The following UROC1 variants were observed in gnomAD, a reference collection of about 807,000 sequenced individuals.
UROC1 encodes urocanate hydratase.
Under a neutral mutation model 89.5 loss-of-function variants are expected in UROC1, and 79 were observed. The observed-to-expected ratio is 0.88, with a 90% CI of 0.74 to 1.06. The LOEUF (loss-of-function observed/expected upper bound fraction) is 1.06, where lower values mean the gene tolerates loss of function less well. UROC1 is among the 50% of genes least tolerant of loss of function. The pLI is 0.00. For synonymous variants in UROC1, 361 were observed against 354.8 expected, an observed-to-expected ratio of 1.02 and a Z score of -0.20; for missense variants, 885 against 907.8, an observed-to-expected ratio of 0.97 and a Z score of 0.32.
chr3:126,500,719 A>G lies in UROC1; in HGVS notation c.1121T>C (p.Val374Ala). The G allele has an allele frequency of 1.9e-6, 3 of 1,614,072 alleles. No individual in the cohort carries two copies. The highest frequency in any genetic ancestry group is 2.5e-6 in the Non-Finnish European group (3 of 1,180,016). ...CCTTTCCTGGACCAGGTCCTTGAACACAGCAGGGTTGGAGGCCATGAGGCT... is the reference window on the plus strand; with the variant it reads ...CCTTTCCTGGACCAGGTCCTTGAACGCAGCAGGGTTGGAGGCCATGAGGCT... ...AQSLMASNPA[V>A]FKDLVQESLR... The change falls in exon 11 of 20, where the codon GTG becomes GCG. Residue 374 changes from valine (V) to alanine (A), a missense_variant. Val to Ala is a moderately conservative substitution (Grantham distance 64). Transcript: ENST00000290868.
In UROC1 at chr3:126,482,293, G is replaced by A; in HGVS notation, c.*52C>T. 1.2e-6 allele frequency: 2 copies of A among 1,607,170 alleles called. No individual in the cohort carries two copies. Among genetic ancestry groups the A allele is most frequent in the Non-Finnish European group, 1.7e-6 (2 of 1,176,570 alleles). Reference sequence around the variant, plus strand: ...GAAGGGTGTGTGCCATGGCTGGGCAGGTGAGGATCGCCAGGGAGGAAGGGA... The same window carrying A: ...GAAGGGTGTGTGCCATGGCTGGGCAAGTGAGGATCGCCAGGGAGGAAGGGA... On this transcript the variant is annotated 3_prime_UTR_variant, in exon 20 of 20. Coordinates refer to ENST00000290868, the MANE Select transcript of UROC1 (RefSeq NM_144639.3).
chr3:126,509,245 A>C (rs1388040543), intron 3 of UROC1, among the ~76,000 whole-genome samples: 1 of 151,764 alleles, frequency 6.6e-6, no homozygotes, highest in Non-Finnish European at 1.5e-5. Context: ...CTCTAAAAAA[A>C]AAAAAAAAAG....
rs11919051 is a variant in UROC1 at position 126,502,288 on chromosome 3, T to C, written c.903-1008A>G. On this transcript the variant is annotated intron_variant, in intron 9 of 19. Transcript: ENST00000290868. ...GCGCCTGTGTGTTTATGTGTTTGTGTGTGCTGTGTGTCTCTGTGCATGTTT... is the reference window on the plus strand; with the variant it reads ...GCGCCTGTGTGTTTATGTGTTTGTGCGTGCTGTGTGTCTCTGTGCATGTTT... Among the ~76,000 whole-genome samples, 613 of 111,512 alleles carry C rather than the reference T, an allele frequency of 5.5e-3. 8 individuals are homozygous for C. The highest frequency in any genetic ancestry group is 0.017 in the African/African-American group (556 of 31,854). The allele number at this position is 111,512 out of a possible 152,430, so 73.2% of individuals were successfully genotyped here.
chr3:126,517,174 T>C (rs1576737176), intron 1 of UROC1, among the ~76,000 whole-genome samples: 1 of 152,176 alleles, frequency 6.6e-6, no homozygotes, highest in African/African-American at 2.4e-5. Flanking sequence ...GGTTCAGCCA[T>C]GCAGCCGCAC....
At chr3:126,492,325 G>C (rs1325112625) in intron 16 of UROC1, 93 bp downstream of exon 16, 1 of 1,227,078 alleles carries the variant, frequency 8.1e-7, no homozygotes, top group Non-Finnish European at 1.2e-6. Flanking sequence ...AAGGCTGTGG[G>C]GTGCAGCCGA....
intron 15 of UROC1, among the ~76,000 whole-genome samples, chr3:126,494,868 A>G (rs1935743030): frequency 7.2e-6 from 1 of 138,386 alleles, no homozygotes. Context: ...CACACCCAGC[A>G]GAAACTGGGC....
chr3:126,503,995 C>T lies in UROC1; in HGVS notation c.902G>A (p.Arg301Lys), dbSNP rs1576725089. ...DSLDRCIQRL[R>K]EARKKKEVLS... ...TCCGGAGTTGAGCTTGGAGCTGTACCTGAGCCTCTGGATGCAGCGGTCCAA... is the reference window on the plus strand; with the variant it reads ...TCCGGAGTTGAGCTTGGAGCTGTACTTGAGCCTCTGGATGCAGCGGTCCAA... Residue 301 changes from arginine to lysine, a missense_variant and splice_region_variant, in exon 9 of 20, where the codon AGG becomes AAG. By Grantham distance (26) the Arg-to-Lys change is conservative (BLOSUM62 2). Transcript: ENST00000290868. The T allele has an allele frequency of 6.2e-7, 1 of 1,614,116 alleles. No individual in the cohort carries two copies. Among genetic ancestry groups the T allele is most frequent in the Non-Finnish European group, 8.5e-7 (1 of 1,180,044 alleles).
At chr3:126,488,352 C>T (rs911901983) in intron 17 of UROC1, 73 bp from the exon 18 acceptor site, 15 of 1,571,362 alleles carry the variant, frequency 9.5e-6, no homozygotes, top group East Asian at 2.2e-5. Context: ...AGGCCAGCCT[C>T]GCTGGCTAAG....
intron 2 of UROC1, 64 bp downstream of exon 2, chr3:126,510,600 C>A (rs1482273443): frequency 1.9e-6 from 3 of 1,600,952 alleles, no homozygotes; most frequent in African/African-American, 2.7e-5. Context: ...TGGCCCCCAG[C>A]ACAGTCCCTT....
Position 126,501,238 on chromosome 3 carries a change from A to T in UROC1, c.945T>A (p.His315Gln), listed in dbSNP as rs1278517704. The T allele has an allele frequency of 6.2e-7, 1 of 1,614,014 alleles. No homozygotes were observed. Among genetic ancestry groups the T allele is most frequent in the African/African-American group, 1.3e-5 (1 of 74,926 alleles). The part of the protein sequence containing the change: ...KKKEVLSLGY[H>Q]GNVVALWERL... ...CTCACCAAAGAGCCACCACGTTGCC[A>T]TGGTAACCAAGGCTGAGCACCTCCT... Residue 315 changes from histidine to glutamine, a missense_variant, in exon 10 of 20, where the codon CAT becomes CAA. By Grantham distance (24) the His-to-Gln change is conservative. Coordinates refer to ENST00000290868, the MANE Select transcript of UROC1 (RefSeq NM_144639.3).
chr3:126,506,140 A>T, intron 6 of UROC1, 129 bp from the exon 7 acceptor site: 1 of 1,009,418 alleles, frequency 9.9e-7, no homozygotes, highest in Non-Finnish European at 1.5e-6. Flanking sequence ...ATTCTCCTTC[A>T]CATAAAATAG....
At position 126,510,612 on chromosome 3, in the gene UROC1, C is replaced by T. The variant is rs373983887; in HGVS notation, c.257+52G>A. 7.2e-5 allele frequency: 116 copies of T among 1,606,210 alleles called. 1 individual carries two copies. In the Middle Eastern group the frequency reaches 8.3e-4, roughly 11 times the overall value. On this transcript the variant is annotated intron_variant, in intron 2 of 19. Transcript: ENST00000290868. ...TCCTGGCCCCCAGCACAGTCCCTTG[C>T]GGGAGCTGCCTGCCCCTCGGGTCCC...
In UROC1 at chr3:126,505,724, C is replaced by T. The variant is rs1005407219; in HGVS notation, c.790G>A (p.Gly264Arg). 6.2e-7 allele frequency: 1 copy of T among 1,613,850 alleles called. No homozygotes were observed. The highest frequency in any genetic ancestry group is 2.2e-5 in the East Asian group (1 of 44,884). ...GAQAKAAVIVGCIGVIAEVDK... is the reference protein window; with the variant it reads ...GAQAKAAVIVRCIGVIAEVDK... ...ACCTCTGCTATCACACCGATGCACC[C>T]CACGATGACTGCGGCCTTGGCCTGA... The change falls in exon 8 of 20, where the codon GGG becomes AGG. Residue 264 changes from glycine to arginine, a missense_variant. By Grantham distance (125) the Gly-to-Arg change is moderately radical. Coordinates refer to ENST00000290868, the MANE Select transcript of UROC1 (RefSeq NM_144639.3).
At position 126,500,884 on chromosome 3, in the gene UROC1, C is replaced by CCATG. The variant is rs1935904044; in HGVS notation, c.966-14_966-11dup. The CCATG allele has an allele frequency of 7.4e-6, 12 of 1,613,306 alleles. No individual in the cohort carries two copies. The highest frequency in any genetic ancestry group is 8.5e-6 in the Non-Finnish European group (10 of 1,179,940). ...GTGGACCAGGCGCTCCCTGGGGAAG[C>CCATG]CATGCGGTGGTCAGTGCAAGCCACA... On this transcript the variant is annotated splice_polypyrimidine_tract_variant and intron_variant, in intron 10 of 19. Transcript: ENST00000290868.
In UROC1 at chr3:126,510,760, GGGGGGAAGTAGCGCA is replaced by G; in HGVS notation, c.146_160del (p.Leu49_Pro53del). ...TGGGGCCAGCAGCTCCTGGACATCC[GGGGGGAAGTAGCGCA>G]GGGCGTTCCTCAGCGCCAGCTGGGG... On this transcript the variant is annotated inframe_deletion, in exon 2 of 20. Transcript: ENST00000290868. The G allele has an allele frequency of 6.2e-7, 1 of 1,613,728 alleles. No homozygotes were observed. Among genetic ancestry groups the G allele is most frequent in the East Asian group, 2.2e-5 (1 of 44,874 alleles).
At position 126,503,524 on chromosome 3, in the gene UROC1, C is replaced by T. The variant is rs151081336; in HGVS notation, c.902+471G>A. Among the ~76,000 whole-genome samples the T allele has an allele frequency of 1.7e-3, 262 of 152,356 alleles. 2 individuals are homozygous for T. Among genetic ancestry groups the T allele is most frequent in the African/African-American group, 6.1e-3 (253 of 41,590 alleles). On this transcript the variant is annotated intron_variant, in intron 9 of 19. Transcript: ENST00000290868. ...CCTCAGCACCGTGGGCGAAGCTCTG[C>T]CCTGGAGCACAGGGAGGGAGTGCAC...
chr3:126,511,526 C>T (rs142053114), intron 1 of UROC1, among the ~76,000 whole-genome samples: 56 of 152,372 alleles, frequency 3.7e-4, no homozygotes, highest in African/African-American at 1.3e-3. Context: ...ATTTTACTCA[C>T]GTGCTAGACA....
chr3:126,498,049 A>T lies in UROC1; in HGVS notation c.1438+2T>A. On this transcript the variant is annotated splice_donor_variant, in intron 14 of 19. Transcript: ENST00000290868. LOFTEE classifies it high-confidence loss of function. ...CATGGGCATCCCCACCAATGGCGTC[A>T]CCTCCATCAGCAATGGCTTCCTCCA... is the stretch of plus-strand genomic sequence containing the variant. 6.2e-7 allele frequency: 1 copy of T among 1,613,974 alleles called. No homozygotes were observed. Among genetic ancestry groups the T allele is most frequent in the Non-Finnish European group, 8.5e-7 (1 of 1,179,990 alleles).
intron 9 of UROC1, 179 bp from the exon 10 acceptor site, chr3:126,501,459 C>T: frequency 1.4e-6 from 1 of 738,678 alleles, no homozygotes; most frequent in Non-Finnish European, 2.2e-6. Context: ...CGACTTTTGT[C>T]CAGGACACAA....
Sources: gnomAD v4.1 joint callset for allele counts (sites outside exome capture counted in the v4.1 genomes callset) on GRCh38, gnomAD v4.1.1 for gene constraint, MANE v1.5 for transcripts, NCBI Gene and HGNC (gene_info 2026-07-23, HGNC 2026-07-21) for gene names.